The following RAMP3 variants were observed in gnomAD, a reference collection of about 807,000 sequenced individuals.
The protein encoded by RAMP3 is receptor activity modifying protein 3.
In RAMP3, 14 loss-of-function variants were observed where a neutral mutation model predicts 13.5. The ratio of observed to expected loss-of-function variants is 1.04; its 90% CI spans 0.69 to 1.63. The LOEUF is 1.63. RAMP3 is among the 40% of genes most tolerant of loss of function. The pLI is 0.00. For synonymous variants in RAMP3, 106 were observed against 88.3 expected, an observed-to-expected ratio of 1.20 and a Z score of -1.12; for missense variants, 200 against 204.8, an observed-to-expected ratio of 0.98 and a Z score of 0.14.
chr7:45,183,274 C>A lies in RAMP3; in HGVS notation c.309C>A (p.Asn103Lys). 2 of 1,614,096 alleles carry A rather than the reference C, an allele frequency of 1.2e-6. No individual in the cohort carries two copies. Among genetic ancestry groups the A allele is most frequent in the South Asian group, 1.1e-5 (1 of 91,088 alleles). ...ITGIHRQFFS[N>K]CTVDRVHLED... is the part of the protein sequence containing the mutation. ...GCATCCACAGGCAGTTCTTCTCCAA[C>A]TGCACCGTGGACAGGGTCCACTTGG... Residue 103 changes from asparagine (N) to lysine (K), a missense_variant, in exon 3 of 3, where the codon AAC becomes AAA. Asn to Lys is a moderately conservative substitution (Grantham distance 94). Coordinates refer to ENST00000242249, the MANE Select transcript of RAMP3 (RefSeq NM_005856.3).
chr7:45,166,060 C>G (rs973314199), intron 1 of RAMP3, among the ~76,000 whole-genome samples: 1 of 152,138 alleles, frequency 6.6e-6, no homozygotes, highest in African/African-American at 2.4e-5. Context: ...TATGGTAACT[C>G]TACGTTTAAC....
In RAMP3 at chr7:45,184,128, G is replaced by A. The variant is rs1786379978; in HGVS notation, c.*716G>A. The A allele has an allele frequency of 5.0e-6, 2 of 399,156 alleles. No homozygotes were observed. The highest frequency in any genetic ancestry group is 8.8e-6 in the Non-Finnish European group (2 of 226,470). The allele number at this position is 399,156 out of a possible 1,614,324, so 24.7% of individuals were successfully genotyped here. On this transcript the variant is annotated 3_prime_UTR_variant, in exon 3 of 3. Transcript: ENST00000242249. ...GACTTGCTGTGCGGATGGGGCCTGG[G>A]CCTCCTTCCTACAGGGGCTCCTCTG...
intron 1 of RAMP3, among the ~76,000 whole-genome samples, chr7:45,173,674 G>C (rs1786122045): frequency 6.0e-5 from 1 of 16,628 alleles, no homozygotes; most frequent in Admixed American, 8.3e-4. Flanking sequence ...GCATGGAGCT[G>C]ACTGCCCACT....
At chr7:45,164,707 C>T (rs1785924838) in intron 1 of RAMP3, among the ~76,000 whole-genome samples, 1 of 151,964 alleles carries the variant, frequency 6.6e-6, no homozygotes, top group African/African-American at 2.4e-5. Flanking sequence ...TTGAAAAGAC[C>T]CTCTTTATCT....
chr7:45,175,051 A>G (rs1024003840), intron 1 of RAMP3, among the ~76,000 whole-genome samples: 5 of 152,188 alleles, frequency 3.3e-5, no homozygotes, highest in African/African-American at 9.7e-5. Flanking sequence ...GAATGAGCAC[A>G]TGGCCTTTCT....
intron 1 of RAMP3, among the ~76,000 whole-genome samples, chr7:45,171,715 T>C (rs1786087573): frequency 6.6e-6 from 1 of 152,184 alleles, no homozygotes; most frequent in African/African-American, 2.4e-5. Flanking sequence ...TGAGCAATCC[T>C]TCCACCTCAG....
At chr7:45,172,129 C>T (rs13243104) in intron 1 of RAMP3, among the ~76,000 whole-genome samples, 39,954 of 152,076 alleles carry the variant, frequency 0.26, 6,377 homozygotes, top group African/African-American at 0.44. Context: ...GGGGACTGGG[C>T]GGGGCAGGGA....
intron 1 of RAMP3, among the ~76,000 whole-genome samples, chr7:45,170,550 G>A (rs918001387): frequency 6.6e-6 from 1 of 152,166 alleles, no homozygotes; most frequent in African/African-American, 2.4e-5. Context: ...TGTTAGCCAG[G>A]ATGATCTCGG....
intron 1 of RAMP3, among the ~76,000 whole-genome samples, chr7:45,170,997 C>T (rs997244796): frequency 6.6e-6 from 1 of 151,868 alleles, no homozygotes; most frequent in Non-Finnish European, 1.5e-5. Flanking sequence ...CTGCATCTCT[C>T]TAAGTTTTGG....
At chr7:45,177,992 G>A (rs961728390) in intron 2 of RAMP3, among the ~76,000 whole-genome samples, 1 of 151,052 alleles carries the variant, frequency 6.6e-6, no homozygotes, top group Admixed American at 6.6e-5. Flanking sequence ...TGTCCAGTTT[G>A]CGGGTGGCCT....
Position 45,183,565 on chromosome 7 carries a change from C to T in RAMP3, c.*153C>T, listed in dbSNP as rs569205196. On this transcript the variant is annotated 3_prime_UTR_variant, in exon 3 of 3. Coordinates refer to ENST00000242249, the MANE Select transcript of RAMP3 (RefSeq NM_005856.3). ...CCCTCCCTTCCTGGGCTGACCTGCTCCCTCGAGGCCAGCCTGCTCCCTGGC... is the reference window on the plus strand; with the variant it reads ...CCCTCCCTTCCTGGGCTGACCTGCTTCCTCGAGGCCAGCCTGCTCCCTGGC... 3.6e-6 allele frequency: 4 copies of T among 1,115,264 alleles called. No individual in the cohort carries two copies. In the East Asian group the frequency reaches 1.0e-4, roughly 28 times the overall value. 69.1% of individuals were successfully genotyped at this position (1,115,264 alleles called of 1,614,324 possible). A position where few individuals can be genotyped will look rare whatever the true frequency, so the allele number is the denominator to read the frequency against.
At position 45,183,339 on chromosome 7, in the gene RAMP3, T is replaced by C. The variant is rs781338436; in HGVS notation, c.374T>C (p.Ile125Thr). 4 of 1,613,946 alleles carry C rather than the reference T, an allele frequency of 2.5e-6. No individual in the cohort carries two copies. The highest frequency in any genetic ancestry group is 3.3e-5 in the Admixed American group (2 of 60,014). The change falls in exon 3 of 3, where the codon ATA (isoleucine) becomes ACA (threonine). Residue 125 changes from isoleucine to threonine, a missense_variant. Transcript: ENST00000242249. ...GAGGTTCTCATCCCGCTGATCGTTA[T>C]ACCCGTCGTTCTGACTGTCGCCATG... is the stretch of plus-strand genomic sequence containing the variant. ...PDEVLIPLIV[I>T]PVVLTVAMAG... is the part of the protein sequence containing the mutation.
chr7:45,161,280 C>T lies in RAMP3; in HGVS notation c.58+3394C>T, dbSNP rs541078830. Reference sequence around the variant, plus strand: ...CGACCTGGGTGGGTATTTGTAGAGCCGTGGGGGAGGGGCTGGGCAATGCCC... The same window carrying T: ...CGACCTGGGTGGGTATTTGTAGAGCTGTGGGGGAGGGGCTGGGCAATGCCC... On this transcript the variant is annotated intron_variant, in intron 1 of 2. Transcript: ENST00000242249. 3.9e-4 allele frequency among the ~76,000 whole-genome samples: 53 copies of T among 137,324 alleles called. 1 individual carries two copies. The South Asian group carries it at 0.011, about 29-fold the overall frequency. 90.1% of individuals were successfully genotyped at this position (137,324 alleles called of 152,430 possible). A position where few individuals can be genotyped will look rare whatever the true frequency, so the allele number is the denominator to read the frequency against.
At chr7:45,169,013 T>A (rs1171470226) in intron 1 of RAMP3, among the ~76,000 whole-genome samples, 1 of 152,252 alleles carries the variant, frequency 6.6e-6, no homozygotes, top group East Asian at 1.9e-4. Flanking sequence ...CAAATGCTTT[T>A]TCTGCATCAA....
intron 1 of RAMP3, among the ~76,000 whole-genome samples, chr7:45,171,287 C>T (rs1786077379): frequency 6.6e-6 from 1 of 151,970 alleles, no homozygotes; most frequent in African/African-American, 2.4e-5. Context: ...TCCTGAGTAG[C>T]TGGGTCTACA....
intron 1 of RAMP3, among the ~76,000 whole-genome samples, chr7:45,164,364 T>G (rs768517478): frequency 9.0e-5 from 13 of 144,214 alleles, no homozygotes; most frequent in Non-Finnish European, 1.7e-4. Context: ...AGATCTTGTC[T>G]CTACAAATAA....
chr7:45,177,547 A>G, intron 2 of RAMP3, 106 bp downstream of exon 2: 1 of 1,525,214 alleles, frequency 6.6e-7, no homozygotes, highest in Non-Finnish European at 8.9e-7. Context: ...GGCCTCACCC[A>G]TGCCTCACCC....
intron 2 of RAMP3, among the ~76,000 whole-genome samples, chr7:45,182,231 T>C (rs1786331267): frequency 6.6e-6 from 1 of 152,162 alleles, no homozygotes; most frequent in Non-Finnish European, 1.5e-5. Context: ...TCTGTACTCA[T>C]GCAGCACAGA....
At chr7:45,169,156 T>A (rs1355585649) in intron 1 of RAMP3, among the ~76,000 whole-genome samples, 1 of 152,238 alleles carries the variant, frequency 6.6e-6, no homozygotes, top group East Asian at 1.9e-4. Context: ...CCTTTTTATA[T>A]GTTGCTGGAT....
Sources: allele counts gnomAD v4.1 joint callset (sites outside exome capture counted in the v4.1 genomes callset), GRCh38; gene constraint gnomAD v4.1.1; transcripts MANE v1.5; gene names NCBI Gene and HGNC (gene_info 2026-07-23, HGNC 2026-07-21).